The following ACTR1B variants were observed in gnomAD, a reference collection of about 807,000 sequenced individuals.
ACTR1B encodes the protein actin related protein 1B.
ACTR1B carries 34 observed loss-of-function variants against 49.4 expected under a neutral mutation model. That is an observed-to-expected ratio of 0.69 (90% CI 0.52 to 0.92). ACTR1B has a LOEUF of 0.92. Ranked by LOEUF, ACTR1B falls within the 40% of genes least tolerant of loss-of-function variation. The pLI is 0.00. For missense variants in ACTR1B, 471 were observed against 522.4 expected (o/e 0.90, Z 0.96); for synonymous variants, 207 against 207.8 (o/e 1.00, Z 0.03).
chr2:97,657,245 C>T, intron 9 of ACTR1B, 53 bp from the exon 10 acceptor site: 2 of 1,600,632 alleles, frequency 1.2e-6, no homozygotes, highest in Non-Finnish European at 1.7e-6. Flanking sequence ...AGAAGCCATC[C>T]TCCCAGCCTT....
In ACTR1B at chr2:97,659,632, G is replaced by A. The variant is rs1268513620; in HGVS notation, c.190-155C>T. 3 of 1,159,094 alleles carry A rather than the reference G, an allele frequency of 2.6e-6. No individual in the cohort carries two copies. Among genetic ancestry groups the A allele is most frequent in the South Asian group, 1.5e-5 (1 of 66,260 alleles). 71.8% of individuals were successfully genotyped at this position (1,159,094 alleles called of 1,614,324 possible). A position where few individuals can be genotyped will look rare whatever the true frequency, so the allele number is the denominator to read the frequency against. The stretch of plus-strand genomic sequence containing the variant: ...CTGGGTGTCCCAGGGTCTGTGGCGG[G>A]TCCTGAACTCAGCATGGGCTCACCT... On this transcript the variant is annotated intron_variant, in intron 3 of 10. Coordinates refer to ENST00000289228, the MANE Select transcript of ACTR1B (RefSeq NM_005735.4). This position sits in a 1 kb window ranked among gnomAD's most constrained non-coding sequence, Gnocchi z 4.0.
In ACTR1B at chr2:97,660,299, T is replaced by C. The variant is rs1421473546; in HGVS notation, c.189+272A>G. Among the ~76,000 whole-genome samples, 7 of 152,358 alleles carry C rather than the reference T, an allele frequency of 4.6e-5. No homozygotes were observed. The South Asian group carries it at 1.4e-3, about 32-fold the overall frequency. On this transcript the variant is annotated intron_variant, in intron 3 of 10. Coordinates refer to ENST00000289228, the MANE Select transcript of ACTR1B (RefSeq NM_005735.4). The stretch of plus-strand genomic sequence containing the variant: ...CTCATTAGAGCAGACGTGAAGTGTG[T>C]GTGATTCTGACTCTTATATCACTTT...
At chr2:97,661,813 T>C in intron 2 of ACTR1B, 69 bp downstream of exon 2, 8 of 1,493,610 alleles carry the variant, frequency 5.4e-6, no homozygotes, top group Non-Finnish European at 7.3e-6. Context: ...AAGAGCCCTG[T>C]GACAGAAGGC....
rs746870627 is a variant in ACTR1B at position 97,658,977 on chromosome 2, C to T, written c.342G>A (p.Pro114=). Reference sequence around the variant, plus strand: ...TCTCCCGGTTCTTACTCGGGTTGAGCGGGGCCTCCGTGAGGAGCACAGGAT... The same window carrying T: ...TCTCCCGGTTCTTACTCGGGTTGAGTGGGGCCTCCGTGAGGAGCACAGGAT... ...EEHPVLLTEA[P]LNPSKNREKA... is the part of the protein sequence containing the mutation. Residue 114 remains proline (P), a synonymous_variant, in exon 5 of 11, where the codon CCG becomes CCA. Coordinates refer to ENST00000289228, the MANE Select transcript of ACTR1B (RefSeq NM_005735.4). The surrounding 1 kb of genome is among the most constrained non-coding windows in gnomAD (Gnocchi z 5.9). The T allele has an allele frequency of 7.4e-6, 12 of 1,613,964 alleles. No individual in the cohort carries two copies. Among genetic ancestry groups the T allele is most frequent in the Admixed American group, 1.7e-5 (1 of 60,006 alleles).
At chr2:97,657,619 C>T in intron 8 of ACTR1B, 110 bp from the exon 9 acceptor site, 1 of 1,158,120 alleles carries the variant, frequency 8.6e-7, no homozygotes, top group African/African-American at 1.5e-5. Flanking sequence ...CTATCAGCAG[C>T]TCTTCCCAGG....
At position 97,659,208 on chromosome 2, in the gene ACTR1B, G is replaced by C. The variant is rs374627123; in HGVS notation, c.315+144C>G. On this transcript the variant is annotated intron_variant, in intron 4 of 10. Transcript: ENST00000289228. The surrounding 1 kb of genome is among the most constrained non-coding windows in gnomAD (Gnocchi z 4.0). Reference sequence around the variant, plus strand: ...ATTCTGCCTAGCAGCCACTGGGTACGTATGCGCACCCAGACACACACGGAA... The same window carrying C: ...ATTCTGCCTAGCAGCCACTGGGTACCTATGCGCACCCAGACACACACGGAA... 2.1e-6 allele frequency: 3 copies of C among 1,424,218 alleles called. No individual in the cohort carries two copies. 88.2% of individuals were successfully genotyped at this position (1,424,218 alleles called of 1,614,324 possible). A position where few individuals can be genotyped will look rare whatever the true frequency, so the allele number is the denominator to read the frequency against.
rs890613673 is a variant in ACTR1B, at chr2:97,656,691, C to T, written c.*167G>A. The T allele has an allele frequency of 3.2e-6, 2 of 623,076 alleles. No individual in the cohort carries two copies. The highest frequency in any genetic ancestry group is 5.7e-6 in the Non-Finnish European group (2 of 349,522). The allele number at this position is 623,076 out of a possible 1,614,324, so 38.6% of individuals were successfully genotyped here. A position where few individuals can be genotyped will look rare whatever the true frequency, so the allele number is the denominator to read the frequency against. Reference sequence around the variant, plus strand: ...CTCAATGTTACTTGTGTGTGCATGTCCTGTGTAGAGGGGAAGGCTGCAGGG... The same window carrying T: ...CTCAATGTTACTTGTGTGTGCATGTTCTGTGTAGAGGGGAAGGCTGCAGGG... On this transcript the variant is annotated 3_prime_UTR_variant, in exon 11 of 11. Coordinates refer to ENST00000289228, the MANE Select transcript of ACTR1B (RefSeq NM_005735.4).
At position 97,656,414 on chromosome 2, in the gene ACTR1B, G is replaced by C. The variant is rs2104494452; in HGVS notation, c.*444C>G. ...AGTGTGAAAGGGGCTGTGTCACCCT[G>C]TCAGGTCACGAACAGGAGGTGGCAA... On this transcript the variant is annotated 3_prime_UTR_variant, in exon 11 of 11. Coordinates refer to ENST00000289228, the MANE Select transcript of ACTR1B (RefSeq NM_005735.4). 9.1e-6 allele frequency: 2 copies of C among 220,688 alleles called. 1 individual carries two copies. Among genetic ancestry groups the C allele is most frequent in the South Asian group, 1.3e-4 (2 of 15,774 alleles). 13.7% of individuals were successfully genotyped at this position (220,688 alleles called of 1,614,324 possible).
At chr2:97,663,786 G>T in intron 1 of ACTR1B, 57 bp downstream of exon 1, 3 of 1,223,794 alleles carry the variant, frequency 2.5e-6, no homozygotes, top group Non-Finnish European at 3.2e-6. Context: ...TCCCTGCGCC[G>T]CCGCGTGCGC....
chr2:97,660,525 A>G (rs779437666), intron 3 of ACTR1B, 46 bp downstream of exon 3: 2 of 1,584,656 alleles, frequency 1.3e-6, no homozygotes, highest in East Asian at 2.2e-5. Context: ...ATGTTCCTGC[A>G]ACTGAGGACC....
At position 97,659,502 on chromosome 2, in the gene ACTR1B, G is replaced by T; in HGVS notation, c.190-25C>A. 1 of 1,611,744 alleles carries T rather than the reference G, an allele frequency of 6.2e-7. No individual in the cohort carries two copies. On this transcript the variant is annotated intron_variant, in intron 3 of 10. Transcript: ENST00000289228. The surrounding 1 kb of genome is among the most constrained non-coding windows in gnomAD (Gnocchi z 4.0). The stretch of plus-strand genomic sequence containing the variant: ...CCTGGTGGGGTGGGAAGGGAGGTGT[G>T]GCACCCGGCCCTTGCTCAGCGGCTG...
Position 97,659,555 on chromosome 2 carries a change from C to T in ACTR1B, c.190-78G>A, listed in dbSNP as rs1674957671. The T allele has an allele frequency of 2.9e-6, 1 of 349,580 alleles. No homozygotes were observed. The highest frequency in any genetic ancestry group is 4.3e-5 in the Admixed American group (1 of 23,442). 21.7% of individuals were successfully genotyped at this position (349,580 alleles called of 1,614,324 possible). On this transcript the variant is annotated intron_variant, in intron 3 of 10. Transcript: ENST00000289228. This position sits in a 1 kb window ranked among gnomAD's most constrained non-coding sequence, Gnocchi z 4.0. The stretch of plus-strand genomic sequence containing the variant: ...TTCCGCCCTCCTGGAAGCTGACCCT[C>T]ACCTGCCCTGACCAGAACCTCACCT...
intron 10 of ACTR1B, 91 bp from the exon 11 acceptor site, chr2:97,657,051 A>T (rs1371824909): frequency 1.3e-6 from 2 of 1,582,124 alleles, no homozygotes; most frequent in African/African-American, 2.7e-5. Flanking sequence ...CTAATTTGGG[A>T]GGGAAATCCA....
At position 97,659,604 on chromosome 2, in the gene ACTR1B, T is replaced by C; in HGVS notation, c.190-127A>G. 1.5e-6 allele frequency: 2 copies of C among 1,309,380 alleles called. No individual in the cohort carries two copies. Among genetic ancestry groups the C allele is most frequent in the Non-Finnish European group, 2.1e-6 (2 of 941,504 alleles). 81.1% of individuals were successfully genotyped at this position (1,309,380 alleles called of 1,614,324 possible). A position where few individuals can be genotyped will look rare whatever the true frequency, so the allele number is the denominator to read the frequency against. On this transcript the variant is annotated intron_variant, in intron 3 of 10. Coordinates refer to ENST00000289228, the MANE Select transcript of ACTR1B (RefSeq NM_005735.4). This position sits in a 1 kb window ranked among gnomAD's most constrained non-coding sequence, Gnocchi z 4.0. The stretch of plus-strand genomic sequence containing the variant: ...CTGCCCTGACCAGAACCACCCCTGC[T>C]CACTGGGTGTCCCAGGGTCTGTGGC...
In ACTR1B at chr2:97,659,883, G is replaced by A. The variant is rs748525242; in HGVS notation, c.190-406C>T. On this transcript the variant is annotated intron_variant, in intron 3 of 10. Coordinates refer to ENST00000289228, the MANE Select transcript of ACTR1B (RefSeq NM_005735.4). The surrounding 1 kb of genome is among the most constrained non-coding windows in gnomAD (Gnocchi z 4.0). Reference sequence around the variant, plus strand: ...GGGCCACCTGTGCCCCCTGACCTACGCCTCTCCCCCCAGCCCTTTGGCCGG... The same window carrying A: ...GGGCCACCTGTGCCCCCTGACCTACACCTCTCCCCCCAGCCCTTTGGCCGG... 6 of 267,226 alleles carry A rather than the reference G, an allele frequency of 2.2e-5. No homozygotes were observed. Among genetic ancestry groups the A allele is most frequent in the Non-Finnish European group, 2.9e-5 (4 of 139,980 alleles). 16.6% of individuals were successfully genotyped at this position (267,226 alleles called of 1,614,324 possible). A position where few individuals can be genotyped will look rare whatever the true frequency, so the allele number is the denominator to read the frequency against.
In ACTR1B at chr2:97,658,743, G is replaced by A; in HGVS notation, c.441-100C>T. 1 of 1,577,448 alleles carries A rather than the reference G, an allele frequency of 6.3e-7. No homozygotes were observed. The highest frequency in any genetic ancestry group is 8.7e-7 in the Non-Finnish European group (1 of 1,150,626). ...GCACATCTGCATTATCTAGTCTGAA[G>A]AGAGGACACGAGGGACTCCCTAGAG... On this transcript the variant is annotated intron_variant, in intron 5 of 10. Transcript: ENST00000289228. This position sits in a 1 kb window ranked among gnomAD's most constrained non-coding sequence, Gnocchi z 5.9.
chr2:97,660,780 G>T (rs1228429806), intron 2 of ACTR1B, 134 bp from the exon 3 acceptor site: 2 of 843,166 alleles, frequency 2.4e-6, no homozygotes, highest in Non-Finnish European at 3.9e-6. Flanking sequence ...GGGGGGCACA[G>T]GTTGGAACTG....
chr2:97,658,602 CCT>C lies in ACTR1B; in HGVS notation c.480_481del (p.Asp162ArgfsTer10), dbSNP rs778002943. ...GGGCACAGCATGAGTGACCCCGTCC[CCT>C]GAGTCTAGAACCACTCCTGTCGTGC... On this transcript the variant is annotated frameshift_variant, in exon 6 of 11. Transcript: ENST00000289228. LOFTEE classifies it high-confidence loss of function. This position sits in a 1 kb window ranked among gnomAD's most constrained non-coding sequence, Gnocchi z 5.9. 212 of 1,614,050 alleles carry C rather than the reference CCT, an allele frequency of 1.3e-4. No homozygotes were observed. The highest frequency in any genetic ancestry group is 1.5e-4 in the South Asian group (14 of 91,084).
rs1674963613 is a variant in ACTR1B at position 97,659,801 on chromosome 2, G to A, written c.190-324C>T. 5.0e-6 allele frequency: 2 copies of A among 399,800 alleles called. No homozygotes were observed. The highest frequency in any genetic ancestry group is 9.2e-6 in the Non-Finnish European group (2 of 218,002). The allele number at this position is 399,800 out of a possible 1,614,324, so 24.8% of individuals were successfully genotyped here. ...ATCCCCCACATTCTCCTCACACTCT[G>A]CCAGCTCCCCTCTGGCCAGCGCCGG... On this transcript the variant is annotated intron_variant, in intron 3 of 10. Transcript: ENST00000289228. The surrounding 1 kb of genome is among the most constrained non-coding windows in gnomAD (Gnocchi z 4.0).
Sources: allele counts gnomAD v4.1 joint callset (sites outside exome capture counted in the v4.1 genomes callset), GRCh38; gene constraint gnomAD v4.1.1; non-coding constraint Gnocchi (gnomAD v3.1); transcripts MANE v1.5; gene names NCBI Gene and HGNC (gene_info 2026-07-23, HGNC 2026-07-21).